The following TRPM3 variants were observed in gnomAD, a reference collection of about 807,000 sequenced individuals.
TRPM3 encodes transient receptor potential cation channel subfamily M member 3.
Under a neutral mutation model 181.2 loss-of-function variants are expected in TRPM3, and 77 were observed. The ratio of observed to expected loss-of-function variants is 0.42; its 90% CI spans 0.35 to 0.51. The LOEUF is 0.51. Ranked by LOEUF, TRPM3 falls within the 20% of genes least tolerant of loss-of-function variation. The pLI, the probability that TRPM3 is intolerant of heterozygous loss-of-function variation, is 0.01. For missense variants in TRPM3, 1,759 were observed against 2,196.7 expected, an observed-to-expected ratio of 0.80 and a Z score of 3.98; for synonymous variants, 745 against 796.4, an observed-to-expected ratio of 0.94 and a Z score of 1.09.
chr9:70,627,380 C>T (rs1266056099), intron 12 of TRPM3, among the ~76,000 whole-genome samples: 1 of 144,070 alleles, frequency 6.9e-6, no homozygotes, highest in Non-Finnish European at 1.5e-5. Flanking sequence ...TCAAGTGATT[C>T]TCCTGCCTCA....
intron 1 of TRPM3, among the ~76,000 whole-genome samples, chr9:70,925,306 G>A (rs1234662288): frequency 1.3e-5 from 2 of 152,168 alleles, no homozygotes; most frequent in African/African-American, 4.8e-5. Flanking sequence ...GAAACAATGT[G>A]TGTTCGAGAG....
intron 1 of TRPM3, among the ~76,000 whole-genome samples, chr9:70,944,506 G>A (rs996541654): frequency 2.0e-5 from 3 of 151,656 alleles, no homozygotes; most frequent in African/African-American, 4.9e-5. Flanking sequence ...GTCCTTTAAC[G>A]AATGAGGTTG....
chr9:70,756,268 G>A (rs1469997382), intron 8 of TRPM3, among the ~76,000 whole-genome samples: 1 of 151,578 alleles, frequency 6.6e-6, no homozygotes, highest in African/African-American at 2.4e-5. Flanking sequence ...ATGGTAAAGG[G>A]ATCAATGCAA....
intron 6 of TRPM3, among the ~76,000 whole-genome samples, chr9:70,820,472 G>T (rs1475260065): frequency 6.6e-6 from 1 of 152,056 alleles, no homozygotes; most frequent in African/African-American, 2.4e-5. Flanking sequence ...CAGGTGATCC[G>T]CCCACCTTGG....
At chr9:70,644,984 A>G (rs2058613636) in intron 9 of TRPM3, among the ~76,000 whole-genome samples, 1 of 152,238 alleles carries the variant, frequency 6.6e-6, no homozygotes, top group Non-Finnish European at 1.5e-5. Flanking sequence ...TAAAATACTT[A>G]GGAATACAAC....
intron 7 of TRPM3, among the ~76,000 whole-genome samples, chr9:70,762,021 T>C (rs549918934): frequency 2.6e-5 from 4 of 152,302 alleles, no homozygotes; most frequent in African/African-American, 9.6e-5. Flanking sequence ...AGTTTGCTTA[T>C]CAAAAATTAC....
intron 22 of TRPM3, among the ~76,000 whole-genome samples, chr9:70,565,797 T>G (rs543502674): frequency 6.6e-6 from 1 of 152,334 alleles, no homozygotes; most frequent in Non-Finnish European, 1.5e-5. Flanking sequence ...TTGGGTAGGT[T>G]CAGATTGAGA....
chr9:71,244,157 C>T (rs2081895503), intron 1 of TRPM3, among the ~76,000 whole-genome samples: 1 of 152,110 alleles, frequency 6.6e-6, no homozygotes, highest in Non-Finnish European at 1.5e-5. Context: ...CCCAGGAATC[C>T]AGGGCTTGTC....
chr9:71,156,466 C>T (rs972440056), intron 1 of TRPM3, among the ~76,000 whole-genome samples: 1 of 150,178 alleles, frequency 6.7e-6, no homozygotes, highest in African/African-American at 2.4e-5. Flanking sequence ...TCAGCAAATT[C>T]CAGCTATGGT....
chr9:70,823,605 C>T (rs756822481), intron 6 of TRPM3, among the ~76,000 whole-genome samples: 43 of 152,232 alleles, frequency 2.8e-4, no homozygotes, highest in African/African-American at 2.4e-5. Flanking sequence ...AGATGCTTTA[C>T]TCTGCTTTAT....
chr9:70,943,840 C>T (rs898682250), intron 1 of TRPM3, among the ~76,000 whole-genome samples: 2 of 152,138 alleles, frequency 1.3e-5, no homozygotes, highest in Admixed American at 6.5e-5. Context: ...GGCATGATCT[C>T]GGCTTCTTGG....
chr9:71,096,590 A>ACACTCTCTCTCTCTCTCTCTCT (rs1452142664), intron 1 of TRPM3, among the ~76,000 whole-genome samples: 10 of 90,044 alleles, frequency 1.1e-4, no homozygotes, highest in Admixed American at 6.8e-4. Context: ...ACACACACAC[A>ACACTCTCTCTCTCTCTCTCTCT]CTCTCTCTCT....
chr9:71,290,212 T>A (rs2085687678), intron 1 of TRPM3, among the ~76,000 whole-genome samples: 1 of 152,014 alleles, frequency 6.6e-6, no homozygotes, highest in African/African-American at 2.4e-5. Context: ...GCACTCTTTT[T>A]CAGAACTGAT....
chr9:71,270,272 C>T (rs10781008), intron 1 of TRPM3, among the ~76,000 whole-genome samples: 78,184 of 151,972 alleles, frequency 0.51, 20,150 homozygotes, highest in Middle Eastern at 0.56. Flanking sequence ...ATCGCTTGAA[C>T]CTGGGAGGCA....
At chr9:70,565,158 A>G (rs2050218677) in intron 22 of TRPM3, among the ~76,000 whole-genome samples, 1 of 152,254 alleles carries the variant, frequency 6.6e-6, no homozygotes, top group Non-Finnish European at 1.5e-5. Context: ...ACTGCTAGGA[A>G]TATGATAAAA....
At chr9:70,855,216 T>C (rs898611832) in intron 3 of TRPM3, among the ~76,000 whole-genome samples, 1 of 152,204 alleles carries the variant, frequency 6.6e-6, no homozygotes, top group African/African-American at 2.4e-5. Context: ...AAGACAGTCC[T>C]TTCCCCTTCA....
At chr9:71,338,131 GCTCA>G (rs1221825620) in intron 1 of TRPM3, among the ~76,000 whole-genome samples, 1 of 151,680 alleles carries the variant, frequency 6.6e-6, no homozygotes, top group Non-Finnish European at 1.5e-5. Flanking sequence ...TGGCAGCGCT[GCTCA>G]CTAAGTCAAA....
At chr9:71,214,546 C>G (rs1460656183) in intron 1 of TRPM3, among the ~76,000 whole-genome samples, 1 of 152,144 alleles carries the variant, frequency 6.6e-6, no homozygotes, top group Non-Finnish European at 1.5e-5. Flanking sequence ...TCAAATTATA[C>G]AGTTTTTTCT....
intron 1 of TRPM3, among the ~76,000 whole-genome samples, chr9:71,291,300 A>T (rs2085790194): frequency 6.6e-6 from 1 of 152,142 alleles, no homozygotes; most frequent in Admixed American, 6.6e-5. Context: ...CATAACAAGG[A>T]AGTAACCTCT....
Sources: allele counts gnomAD v4.1 joint callset (sites outside exome capture counted in the v4.1 genomes callset), GRCh38; gene constraint gnomAD v4.1.1; transcripts MANE v1.5; gene names NCBI Gene and HGNC (gene_info 2026-07-23, HGNC 2026-07-21).